Variants in SNX6 observed in about 807,000 individuals in gnomAD.
The protein encoded by SNX6 is sorting nexin-6.
In SNX6, 34 loss-of-function variants were observed where a neutral mutation model predicts 63.0. The observed-to-expected ratio is 0.54, with a 90% confidence interval of 0.41 to 0.72. SNX6 has a LOEUF of 0.72. SNX6 is among the 30% of genes least tolerant of loss of function. The pLI is 0.00. For missense variants in SNX6, 398 were observed against 471.4 expected, an observed-to-expected ratio of 0.84 and a Z score of 1.44; for synonymous variants, 170 against 164.2, an observed-to-expected ratio of 1.04 and a Z score of -0.27.
intron 2 of SNX6, among the ~76,000 whole-genome samples, chr14:34,622,931 C>T (rs1209315269): frequency 6.6e-6 from 1 of 152,156 alleles, no homozygotes; most frequent in African/African-American, 2.4e-5. Flanking sequence ...TATGGAAAGT[C>T]CCTGACATGC....
chr14:34,629,706 G>A (rs1259949979), intron 2 of SNX6: 10 of 870,884 alleles, frequency 1.1e-5, no homozygotes, highest in African/African-American at 1.0e-4. Flanking sequence ...GCGGCCGCGG[G>A]TCCCCGGGAA....
intron 11 of SNX6, among the ~76,000 whole-genome samples, chr14:34,574,039 A>G (rs917471884): frequency 6.6e-6 from 1 of 151,924 alleles, no homozygotes; most frequent in Admixed American, 6.6e-5. Context: ...GCATAGACCA[A>G]ATAGAAATCC....
At position 34,593,170 on chromosome 14, in the gene SNX6, T is replaced by G; in HGVS notation, c.613-20A>C. On this transcript the variant is annotated intron_variant, in intron 7 of 13. Transcript: ENST00000362031. The stretch of plus-strand genomic sequence containing the variant: ...TACATCCTATAAGATCAAAAGAAAA[T>G]ATAAACTTTTTTCACTTATTTGCTT... The G allele has an allele frequency of 6.7e-7, 1 of 1,484,650 alleles. No individual in the cohort carries two copies. The highest frequency in any genetic ancestry group is 9.2e-7 in the Non-Finnish European group (1 of 1,090,740). 92.0% of individuals were successfully genotyped at this position (1,484,650 alleles called of 1,614,324 possible).
chr14:34,564,195 T>G (rs561125680), intron 13 of SNX6, among the ~76,000 whole-genome samples: 9 of 151,834 alleles, frequency 5.9e-5, no homozygotes, highest in Non-Finnish European at 1.3e-4. Context: ...GCTGGCTAAT[T>G]TTTTGTATTT....
chr14:34,623,213 C>T (rs1459074755), intron 2 of SNX6, among the ~76,000 whole-genome samples: 1 of 151,898 alleles, frequency 6.6e-6, no homozygotes, highest in Admixed American at 6.6e-5. Flanking sequence ...AGGTGCAAAA[C>T]AAAATGCAAG....
chr14:34,567,374 C>T (rs975996748), intron 13 of SNX6, among the ~76,000 whole-genome samples: 1 of 152,068 alleles, frequency 6.6e-6, no homozygotes, highest in Non-Finnish European at 1.5e-5. Context: ...GTAATCCCAG[C>T]TACTAAGGAG....
intron 6 of SNX6, among the ~76,000 whole-genome samples, chr14:34,598,467 C>A (rs1199973358): frequency 6.6e-6 from 1 of 152,186 alleles, no homozygotes; most frequent in Non-Finnish European, 1.5e-5. Flanking sequence ...TCTTGGCTCA[C>A]TGCAACATCT....
chr14:34,574,495 C>G (rs1053678183), intron 11 of SNX6, among the ~76,000 whole-genome samples: 1 of 151,088 alleles, frequency 6.6e-6, no homozygotes. Context: ...ACTAAAAATA[C>G]GAAAACTAGC....
At chr14:34,612,895 T>G (rs772978857) in intron 2 of SNX6, among the ~76,000 whole-genome samples, 2 of 151,724 alleles carry the variant, frequency 1.3e-5, no homozygotes, top group East Asian at 3.9e-4. Flanking sequence ...ACTAAAAACA[T>G]AAAATTAGCT....
intron 11 of SNX6, among the ~76,000 whole-genome samples, chr14:34,570,051 G>C (rs1191879164): frequency 6.7e-6 from 1 of 149,506 alleles, no homozygotes; most frequent in Non-Finnish European, 1.5e-5. Context: ...CACTTATTTT[G>C]TTTTTTTGGG....
At chr14:34,612,512 C>A (rs768631473) in intron 2 of SNX6, among the ~76,000 whole-genome samples, 11 of 152,042 alleles carry the variant, frequency 7.2e-5, no homozygotes, top group Non-Finnish European at 1.5e-4. Flanking sequence ...TGGCTCACTA[C>A]AACCTCCGCC....
chr14:34,568,087 C>A, intron 11 of SNX6, 74 bp from the exon 12 acceptor site: 1 of 1,231,574 alleles, frequency 8.1e-7, no homozygotes, highest in South Asian at 1.4e-5. Flanking sequence ...ACCACTGTCA[C>A]CACCACCACA....
rs1433951733 is a variant in SNX6, at chr14:34,605,706, T to A, written c.282A>T (p.Ala94=). 1.2e-6 allele frequency: 2 copies of A among 1,602,652 alleles called. No homozygotes were observed. The highest frequency in any genetic ancestry group is 1.8e-5 in the Admixed American group (1 of 56,536). The part of the protein sequence containing the change: ...EDYAGYIIPP[A]PPRPDFDASR... ...AAGCATCAAAATCAGGTCTTGGTGG[T>A]GCTGGTGGAATCTGTAACAGGACCA... Residue 94 remains alanine (A), a synonymous_variant, in exon 5 of 14, where the codon GCA becomes GCT. Transcript: ENST00000362031.
At chr14:34,589,425 T>C (rs1376264601) in intron 8 of SNX6, among the ~76,000 whole-genome samples, 1 of 152,124 alleles carries the variant, frequency 6.6e-6, no homozygotes, top group Non-Finnish European at 1.5e-5. Context: ...CACTCCAGCC[T>C]GGGCAACAGA....
chr14:34,619,587 AG>A (rs1432764236), intron 2 of SNX6, among the ~76,000 whole-genome samples: 3 of 152,142 alleles, frequency 2.0e-5, no homozygotes, highest in African/African-American at 7.2e-5. Context: ...GTGAACAAAA[AG>A]CCCTGCCTTC....
At chr14:34,584,237 G>C (rs1882058931) in intron 9 of SNX6, among the ~76,000 whole-genome samples, 1 of 152,122 alleles carries the variant, frequency 6.6e-6, no homozygotes, top group Non-Finnish European at 1.5e-5. Flanking sequence ...CTAGAGAAAA[G>C]GTCAAGGATG....
At chr14:34,577,560 G>C (rs915443154) in intron 10 of SNX6, among the ~76,000 whole-genome samples, 2 of 152,114 alleles carry the variant, frequency 1.3e-5, no homozygotes, top group African/African-American at 4.8e-5. Flanking sequence ...ACCAGAAGTG[G>C]TATGTTTGAG....
At chr14:34,607,990 C>T (rs777875309) in intron 4 of SNX6, 40 bp downstream of exon 4, 4 of 1,053,272 alleles carry the variant, frequency 3.8e-6, no homozygotes, top group Middle Eastern at 2.6e-4. Flanking sequence ...TACCTAAAAC[C>T]TCCTAGAAAA....
At chr14:34,564,035 G>A (rs1014968250) in intron 13 of SNX6, among the ~76,000 whole-genome samples, 4 of 151,588 alleles carry the variant, frequency 2.6e-5, no homozygotes, top group African/African-American at 9.7e-5. Flanking sequence ...CACTGCGCTG[G>A]CCTTTGTTTT....
Sources: allele counts gnomAD v4.1 joint callset (sites outside exome capture counted in the v4.1 genomes callset), GRCh38; gene constraint gnomAD v4.1.1; transcripts MANE v1.5; gene names NCBI Gene and HGNC (gene_info 2026-07-23, HGNC 2026-07-21).